PRDM6: variants seen among roughly 807,000 people sequenced by gnomAD.
The protein encoded by PRDM6 is PR/SET domain 6.
In PRDM6, 25 loss-of-function variants were observed where a neutral mutation model predicts 60.8. The observed-to-expected ratio is 0.41, with a 90% CI of 0.30 to 0.57. The LOEUF (loss-of-function observed/expected upper bound fraction) is 0.57. PRDM6 is among the 20% of genes least tolerant of loss of function. The pLI, the probability that PRDM6 is intolerant of heterozygous loss-of-function variation, is 0.27. For synonymous variants in PRDM6, 407 were observed against 357.4 expected, an observed-to-expected ratio of 1.14 and a Z score of -1.57; for missense variants, 839 against 821.3, an observed-to-expected ratio of 1.02 and a Z score of -0.26.
chr5:123,169,949 C>T (rs1765847526), intron 5 of PRDM6, among the ~76,000 whole-genome samples: 1 of 152,326 alleles, frequency 6.6e-6, no homozygotes, highest in East Asian at 1.9e-4. Context: ...GCCTCCTACT[C>T]TTTCCTTATC....
chr5:123,093,972 G>C (rs990254391), intron 2 of PRDM6, among the ~76,000 whole-genome samples: 2 of 151,988 alleles, frequency 1.3e-5, no homozygotes, highest in Non-Finnish European at 2.9e-5. Context: ...GTTGGGGGAG[G>C]GGTCTCTGTC....
At chr5:123,122,796 A>G (rs777344199) in intron 3 of PRDM6, among the ~76,000 whole-genome samples, 1 of 152,208 alleles carries the variant, frequency 6.6e-6, no homozygotes, top group African/African-American at 2.4e-5. Flanking sequence ...CTTTAAAAAA[A>G]AAGTTTAAAA....
At chr5:123,129,138 C>T (rs1430081547) in intron 3 of PRDM6, among the ~76,000 whole-genome samples, 1 of 152,156 alleles carries the variant, frequency 6.6e-6, no homozygotes, top group African/African-American at 2.4e-5. Flanking sequence ...TGTTTTGGTA[C>T]CAGTACCATG....
intron 3 of PRDM6, among the ~76,000 whole-genome samples, chr5:123,110,830 G>A (rs1764297133): frequency 6.6e-6 from 1 of 151,998 alleles, no homozygotes; most frequent in Non-Finnish European, 1.5e-5. Context: ...TTCCCAAAGT[G>A]CTGGGATTTC....
chr5:123,174,371 G>A (rs1765959280), intron 6 of PRDM6, among the ~76,000 whole-genome samples: 1 of 152,230 alleles, frequency 6.6e-6, no homozygotes, highest in Non-Finnish European at 1.5e-5. Context: ...TAGTTAGAAT[G>A]CATTTCCCTT....
chr5:123,121,312 C>G lies in PRDM6; in HGVS notation c.900+21351C>G, dbSNP rs534054996. On this transcript the variant is annotated intron_variant, in intron 3 of 7. Transcript: ENST00000407847. ...ACTTATTTTGAATATTTTTTTCTTTCTATTCTTGTTTTCTCTGTTTGCTCC... is the reference window on the plus strand; with the variant it reads ...ACTTATTTTGAATATTTTTTTCTTTGTATTCTTGTTTTCTCTGTTTGCTCC... Among the ~76,000 whole-genome samples the G allele has an allele frequency of 2.0e-5, 3 of 152,168 alleles. No homozygotes were observed. The East Asian group carries it at 5.8e-4, about 29-fold the overall frequency.
At chr5:123,122,164 CAAAA>C (rs138619125) in intron 3 of PRDM6, among the ~76,000 whole-genome samples, 3 of 98,924 alleles carry the variant, frequency 3.0e-5, no homozygotes, top group Admixed American at 1.4e-4. Context: ...CTCCATCTGA[CAAAA>C]AAAAAAAAAA....
intron 2 of PRDM6, among the ~76,000 whole-genome samples, chr5:123,096,915 G>C (rs1190744759): frequency 6.6e-6 from 1 of 152,146 alleles, no homozygotes; most frequent in Non-Finnish European, 1.5e-5. Context: ...CTATGCTGAT[G>C]TCGTTGATGG....
In PRDM6 at chr5:123,170,596, T is replaced by C. The variant is rs544759527; in HGVS notation, c.1154-170T>C. Among the ~76,000 whole-genome samples the C allele has an allele frequency of 2.6e-5, 4 of 152,360 alleles. No homozygotes were observed. The East Asian group carries it at 7.7e-4, about 29-fold the overall frequency. On this transcript the variant is annotated intron_variant, in intron 5 of 7. Transcript: ENST00000407847. ...ATAGGCATCAGATGAGTTATTAATC[T>C]GTGATAATAGTTTTTTCCCCTCAAA...
chr5:123,174,002 G>A (rs1765951923), intron 6 of PRDM6, among the ~76,000 whole-genome samples: 1 of 152,172 alleles, frequency 6.6e-6, no homozygotes, highest in Admixed American at 6.5e-5. Flanking sequence ...ACCTTTTTAT[G>A]GTTATTATCC....
chr5:123,152,119 C>A (rs1465691525), intron 3 of PRDM6, among the ~76,000 whole-genome samples: 1 of 152,150 alleles, frequency 6.6e-6, no homozygotes. Flanking sequence ...TGAATGTTTG[C>A]AGTGTTTCTA....
intron 3 of PRDM6, among the ~76,000 whole-genome samples, chr5:123,114,628 G>A (rs1207513142): frequency 6.6e-6 from 1 of 152,188 alleles, no homozygotes; most frequent in Non-Finnish European, 1.5e-5. Context: ...CTTCATTTTT[G>A]TATGCTAAAT....
chr5:123,162,678 A>G (rs764818841), intron 5 of PRDM6, among the ~76,000 whole-genome samples: 1 of 152,186 alleles, frequency 6.6e-6, no homozygotes, highest in African/African-American at 2.4e-5. Flanking sequence ...AACAGTGACA[A>G]TCCCCTTTCC....
chr5:123,103,957 C>T (rs1262263538), intron 3 of PRDM6, among the ~76,000 whole-genome samples: 1 of 152,016 alleles, frequency 6.6e-6, no homozygotes, highest in Non-Finnish European at 1.5e-5. Flanking sequence ...CTAGAAAGGG[C>T]TTTAATTTTA....
intron 5 of PRDM6, among the ~76,000 whole-genome samples, 154 bp from the exon 6 acceptor site, chr5:123,170,612 T>TC (rs1248203550): frequency 1.3e-5 from 2 of 152,242 alleles, no homozygotes; most frequent in Non-Finnish European, 2.9e-5. Flanking sequence ...AATAGTTTTT[T>TC]CCCCTCAAAT....
At position 123,090,164 on chromosome 5, in the gene PRDM6, T is replaced by TCAGCCG. The variant is rs1763783562; in HGVS notation, c.152_157dup (p.Gln51_Pro52dup). On this transcript the variant is annotated inframe_insertion, in exon 2 of 8. Transcript: ENST00000407847. ...GTCTCCTGAGCGCGCCGCAGCCTCT[T>TCAGCCG]CAGCCGCCGCCGCCGCCCCCGCCCC... is the stretch of plus-strand genomic sequence containing the variant. 1 of 1,496,222 alleles carries TCAGCCG rather than the reference T, an allele frequency of 6.7e-7. No individual in the cohort carries two copies. Among genetic ancestry groups the TCAGCCG allele is most frequent in the East Asian group, 2.9e-5 (1 of 34,662 alleles). 92.7% of individuals were successfully genotyped at this position (1,496,222 alleles called of 1,614,324 possible).
intron 3 of PRDM6, among the ~76,000 whole-genome samples, chr5:123,121,189 C>G (rs551217197): frequency 1.3e-5 from 2 of 152,296 alleles, no homozygotes; most frequent in African/African-American, 4.8e-5. Flanking sequence ...GGCTCCCAAG[C>G]CACCAAGAAG....
At chr5:123,110,998 T>C (rs1764300791) in intron 3 of PRDM6, among the ~76,000 whole-genome samples, 1 of 152,100 alleles carries the variant, frequency 6.6e-6, no homozygotes, top group Non-Finnish European at 1.5e-5. Flanking sequence ...GCATATCAGC[T>C]CTGAATCTAG....
chr5:123,096,096 C>A (rs1763951233), intron 2 of PRDM6, among the ~76,000 whole-genome samples: 1 of 760 alleles, frequency 1.3e-3, no homozygotes, highest in African/African-American at 5.0e-3. Flanking sequence ...CTCAGAGACG[C>A]TTAGACAGGA....
Sources: gnomAD v4.1 joint callset for allele counts (sites outside exome capture counted in the v4.1 genomes callset) on GRCh38, gnomAD v4.1.1 for gene constraint, MANE v1.5 for transcripts, NCBI Gene and HGNC (gene_info 2026-07-23, HGNC 2026-07-21) for gene names.